The following TENM2 variants were observed in gnomAD, a reference collection of about 807,000 sequenced individuals.
The protein encoded by TENM2 is teneurin transmembrane protein 2.
TENM2 carries 52 observed loss-of-function variants against 245.2 expected under a neutral mutation model. The ratio of observed to expected loss-of-function variants is 0.21; its 90% CI spans 0.17 to 0.27. TENM2 has a LOEUF of 0.27. Among genes scored for constraint, TENM2 ranks in the 10% least tolerant of loss-of-function variants. The pLI, the probability that TENM2 is intolerant of heterozygous loss-of-function variation, is 1.00. For missense variants in TENM2, 3,046 were observed against 3,666.8 expected (o/e 0.83, Z 4.37); for synonymous variants, 1,363 against 1,438.9 (o/e 0.95, Z 1.19).
chr5:167,181,675 A>G, the TENM2 span, among the ~76,000 whole-genome samples: 2 of 152,194 alleles, frequency 1.3e-5, no homozygotes, highest in Non-Finnish European at 2.9e-5. Flanking sequence ...AAATAAATAT[A>G]CTAATGAAAA....
chr5:167,273,573 T>C, the TENM2 span, among the ~76,000 whole-genome samples: 2 of 152,144 alleles, frequency 1.3e-5, no homozygotes, highest in African/African-American at 4.8e-5. Context: ...TAGTATCTTA[T>C]TACTTTAGAA....
chr5:168,050,720 A>C (rs1472900258), intron 6 of TENM2, among the ~76,000 whole-genome samples: 1 of 152,252 alleles, frequency 6.6e-6, no homozygotes, highest in Non-Finnish European at 1.5e-5. Flanking sequence ...TCTAATAGAC[A>C]GGGCAGCCTA....
At chr5:168,138,707 A>T (rs1755275642) in intron 12 of TENM2, among the ~76,000 whole-genome samples, 1 of 152,270 alleles carries the variant, frequency 6.6e-6, no homozygotes, top group South Asian at 2.1e-4. Flanking sequence ...ATGGTGTTCT[A>T]AACATCAATA....
At chr5:167,077,467 T>C in the TENM2 span, among the ~76,000 whole-genome samples, 1 of 152,224 alleles carries the variant, frequency 6.6e-6, no homozygotes, top group Non-Finnish European at 1.5e-5. Flanking sequence ...AAAACGTATT[T>C]TGTCTTTCAG....
chr5:167,683,808 G>T (rs1298117455), intron 2 of TENM2, among the ~76,000 whole-genome samples: 1 of 152,150 alleles, frequency 6.6e-6, no homozygotes, highest in East Asian at 1.9e-4. Context: ...ATCTATGAAT[G>T]GCCTGCCAGC....
At chr5:167,866,396 G>T (rs1240956970) in intron 2 of TENM2, among the ~76,000 whole-genome samples, 1 of 151,802 alleles carries the variant, frequency 6.6e-6, no homozygotes, top group Non-Finnish European at 1.5e-5. Context: ...TACTCAGGAG[G>T]CTGAGGCAGG....
chr5:167,869,668 G>C (rs1235703404), intron 2 of TENM2, among the ~76,000 whole-genome samples: 2 of 152,188 alleles, frequency 1.3e-5, no homozygotes, highest in Non-Finnish European at 2.9e-5. Flanking sequence ...AGCAGGCCTG[G>C]CTGCCATGAC....
intron 2 of TENM2, among the ~76,000 whole-genome samples, chr5:167,569,053 A>G (rs1191963675): frequency 1.4e-5 from 2 of 146,400 alleles, no homozygotes; most frequent in Non-Finnish European, 3.0e-5. Context: ...GAGGACCGAA[A>G]TCAATGAGTA....
At chr5:167,006,087 C>T in the TENM2 span, among the ~76,000 whole-genome samples, 5 of 152,134 alleles carry the variant, frequency 3.3e-5, no homozygotes, top group Non-Finnish European at 5.9e-5. Context: ...AATCCCAAAA[C>T]GCCTGCAGTT....
the TENM2 span, among the ~76,000 whole-genome samples, chr5:167,008,804 G>A: frequency 2.3e-4 from 35 of 152,262 alleles, no homozygotes; most frequent in Non-Finnish European, 4.3e-4. Flanking sequence ...GCGTATCGAC[G>A]TACACATTTG....
chr5:168,074,848 A>G (rs1468141730), intron 7 of TENM2, among the ~76,000 whole-genome samples: 7 of 152,214 alleles, frequency 4.6e-5, no homozygotes, highest in Non-Finnish European at 1.0e-4. Flanking sequence ...AAGCGAATCT[A>G]CAACAGAATC....
chr5:168,131,144 T>C (rs759283500), intron 12 of TENM2, among the ~76,000 whole-genome samples: 92 of 152,318 alleles, frequency 6.0e-4, no homozygotes, highest in Non-Finnish European at 1.2e-3. Flanking sequence ...ATGCTAACTG[T>C]GGACTCTTGC....
At chr5:167,569,844 A>G (rs1185669825) in intron 2 of TENM2, among the ~76,000 whole-genome samples, 1 of 152,172 alleles carries the variant, frequency 6.6e-6, no homozygotes, top group Non-Finnish European at 1.5e-5. Context: ...AATTTGACCC[A>G]TGTTCCACAA....
At chr5:167,855,667 G>GAGAA (rs1554131977) in intron 2 of TENM2, among the ~76,000 whole-genome samples, 2 of 92,716 alleles carry the variant, frequency 2.2e-5, no homozygotes, top group East Asian at 7.0e-4. Context: ...GGAAGAAAGA[G>GAGAA]AGGAAGGAAG....
At chr5:168,058,088 A>T (rs1646212848) in intron 6 of TENM2, among the ~76,000 whole-genome samples, 1 of 152,208 alleles carries the variant, frequency 6.6e-6, no homozygotes, top group African/African-American at 2.4e-5. Context: ...GCATAATTAC[A>T]TAATGAGCGG....
At chr5:167,490,774 A>G (rs1561998087) in intron 2 of TENM2, among the ~76,000 whole-genome samples, 3 of 152,162 alleles carry the variant, frequency 2.0e-5, no homozygotes, top group African/African-American at 4.8e-5. Context: ...TTATTGATTT[A>G]TTAGTTAAGC....
At chr5:167,224,588 T>C in the TENM2 span, among the ~76,000 whole-genome samples, 3 of 152,118 alleles carry the variant, frequency 2.0e-5, no homozygotes, top group Non-Finnish European at 4.4e-5. Flanking sequence ...TTGTTTACTA[T>C]AGCCTTGTGA....
At chr5:167,717,487 T>C (rs1333800626) in intron 2 of TENM2, among the ~76,000 whole-genome samples, 1 of 152,196 alleles carries the variant, frequency 6.6e-6, no homozygotes, top group Non-Finnish European at 1.5e-5. Flanking sequence ...AGGCACCTCA[T>C]ACTCTGAACA....
intron 12 of TENM2, among the ~76,000 whole-genome samples, chr5:168,159,540 C>T (rs1346949610): frequency 6.6e-6 from 1 of 152,216 alleles, no homozygotes; most frequent in East Asian, 1.9e-4. Context: ...TAAGCAGAAG[C>T]TGGCTTTGCA....
Sources: allele counts gnomAD v4.1 joint callset (sites outside exome capture counted in the v4.1 genomes callset), GRCh38; gene constraint gnomAD v4.1.1; transcripts MANE v1.5; gene names NCBI Gene and HGNC (gene_info 2026-07-23, HGNC 2026-07-21).